The following RABGAP1L variants were observed in gnomAD, a reference collection of about 807,000 sequenced individuals.
RABGAP1L encodes RAB GTPase activating protein 1 like.
RABGAP1L carries 63 observed loss-of-function variants against 137.7 expected under a neutral mutation model. The observed-to-expected ratio is 0.46, with a 90% CI of 0.37 to 0.56. The LOEUF (loss-of-function observed/expected upper bound fraction) is 0.56. Ranked by LOEUF, RABGAP1L falls within the 20% of genes least tolerant of loss-of-function variation. RABGAP1L has a pLI of 0.00. For missense variants in RABGAP1L, 1,095 were observed against 1,244.0 expected (o/e 0.88, Z 1.80); for synonymous variants, 431 against 433.7 (o/e 0.99, Z 0.08).
At chr1:174,712,701 T>G (rs2148561405) in intron 17 of RABGAP1L, among the ~76,000 whole-genome samples, 1 of 152,360 alleles carries the variant, frequency 6.6e-6, no homozygotes, top group South Asian at 2.1e-4. Context: ...AAGTTTTCCC[T>G]GATCACCCGT....
intron 17 of RABGAP1L, among the ~76,000 whole-genome samples, chr1:174,729,798 A>T (rs1682308409): frequency 1.3e-5 from 2 of 152,228 alleles, no homozygotes; most frequent in Non-Finnish European, 2.9e-5. Context: ...CATGGCTATT[A>T]TTAAAAAGTA....
At chr1:174,612,445 G>T (rs1274586610) in intron 13 of RABGAP1L, among the ~76,000 whole-genome samples, 1 of 152,148 alleles carries the variant, frequency 6.6e-6, no homozygotes, top group African/African-American at 2.4e-5. Context: ...ATGTGCTGCT[G>T]GATTCGGTTT....
At position 174,181,420 on chromosome 1, in the gene RABGAP1L, C is replaced by G. The variant is rs1048446723; in HGVS notation, c.-34+21763C>G. Among the ~76,000 whole-genome samples the G allele has an allele frequency of 2.0e-5, 3 of 151,300 alleles. No individual in the cohort carries two copies. In the Admixed American group the frequency reaches 2.0e-4, roughly 10 times the overall value. On this transcript the variant is annotated intron_variant, in intron 1 of 25. Coordinates refer to ENST00000681986, the MANE Select transcript of RABGAP1L (RefSeq NM_001366446.1). ...TGGCGTGATCTCGGCCCACTGCAAGCTCCGCCTCCCAGGTTCACGCCATTC... is the reference window on the plus strand; with the variant it reads ...TGGCGTGATCTCGGCCCACTGCAAGGTCCGCCTCCCAGGTTCACGCCATTC...
chr1:174,564,542 T>C (rs192663394), intron 13 of RABGAP1L, among the ~76,000 whole-genome samples: 30 of 152,298 alleles, frequency 2.0e-4, no homozygotes, highest in Admixed American at 1.6e-3. Context: ...CAAAGTAGGC[T>C]GCCAGGGTTA....
intron 13 of RABGAP1L, among the ~76,000 whole-genome samples, chr1:174,550,572 A>C (rs923975826): frequency 1.3e-5 from 2 of 152,096 alleles, no homozygotes; most frequent in Non-Finnish European, 2.9e-5. Flanking sequence ...CAAAAGAACA[A>C]AGTATGTCTG....
chr1:174,729,855 T>C (rs1682312998), intron 17 of RABGAP1L, among the ~76,000 whole-genome samples: 1 of 152,122 alleles, frequency 6.6e-6, no homozygotes, highest in South Asian at 2.1e-4. Flanking sequence ...AAGGAAACAC[T>C]TATACACTGT....
At chr1:174,571,875 G>T (rs1668003854) in intron 13 of RABGAP1L, among the ~76,000 whole-genome samples, 3 of 152,134 alleles carry the variant, frequency 2.0e-5, no homozygotes, top group Admixed American at 6.5e-5. Flanking sequence ...CTCCATTTTA[G>T]CTGCAAACAG....
At chr1:174,326,999 G>C (rs1355301255) in intron 11 of RABGAP1L, among the ~76,000 whole-genome samples, 1 of 152,048 alleles carries the variant, frequency 6.6e-6, no homozygotes, top group Admixed American at 6.6e-5. Context: ...AAATCTGAAG[G>C]CATTCTCAAA....
intron 1 of RABGAP1L, among the ~76,000 whole-genome samples, chr1:174,166,237 T>G (rs961092393): frequency 2.6e-5 from 4 of 152,066 alleles, no homozygotes; most frequent in Admixed American, 6.6e-5. Context: ...AGTGTTTTTT[T>G]TTTGTTTGTT....
intron 13 of RABGAP1L, among the ~76,000 whole-genome samples, chr1:174,635,480 A>G (rs1397987579): frequency 6.6e-6 from 1 of 152,200 alleles, no homozygotes. Context: ...AAGATAAAAG[A>G]AATGTTTCAT....
rs182025880 is a variant in RABGAP1L, at chr1:174,394,025, G to T, written c.1590G>T (p.Gly530=). The T allele has an allele frequency of 6.2e-7, 1 of 1,613,586 alleles. No homozygotes were observed. Among genetic ancestry groups the T allele is most frequent in the South Asian group, 1.1e-5 (1 of 91,002 alleles). Residue 530 remains glycine (G), a synonymous_variant, in exon 13 of 26, where the codon GGG becomes GGT. Transcript: ENST00000681986. The part of the protein sequence containing the change: ...WHSNLGARPK[G]LSTLVKSGVP... ...GTAACCTTGGTGCACGACCGAAAGG[G>T]CTGTCTACTCTGGTGAAGAGTGGTG...
chr1:174,803,975 G>A (rs950966437), intron 18 of RABGAP1L, among the ~76,000 whole-genome samples: 4 of 152,100 alleles, frequency 2.6e-5, no homozygotes, highest in Non-Finnish European at 5.9e-5. Context: ...CTGGGAGGCT[G>A]AGGCAGGAGA....
At chr1:174,377,929 T>TC (rs1685709271) in intron 12 of RABGAP1L, among the ~76,000 whole-genome samples, 1 of 41,190 alleles carries the variant, frequency 2.4e-5, no homozygotes, top group Non-Finnish European at 3.7e-5. Flanking sequence ...ATGCTATCCC[T>TC]CCCCCCTCCC....
Position 174,448,188 on chromosome 1 carries a change from C to G in RABGAP1L, c.1710+54043C>G. The G allele has an allele frequency of 6.2e-7, 1 of 1,613,800 alleles. No homozygotes were observed. Among genetic ancestry groups the G allele is most frequent in the African/African-American group, 1.3e-5 (1 of 75,020 alleles). ...ATTGTGAATGTGTCCGAGCGTCACT[C>G]CTGCCCACTTGGATTTGGCCACTAC... On this transcript the variant is annotated intron_variant, in intron 13 of 25. Transcript: ENST00000681986. This position sits in a 1 kb window ranked among gnomAD's most constrained non-coding sequence, Gnocchi z 4.2.
chr1:174,510,180 C>G (rs570076305), intron 13 of RABGAP1L, among the ~76,000 whole-genome samples: 1 of 152,290 alleles, frequency 6.6e-6, no homozygotes, highest in Admixed American at 6.5e-5. Flanking sequence ...TCTTTAGCCT[C>G]CTTTTGCATA....
intron 13 of RABGAP1L, 73 bp downstream of exon 13, chr1:174,394,218 A>G: frequency 3.9e-6 from 6 of 1,530,002 alleles, no homozygotes; most frequent in Middle Eastern, 1.9e-4. Flanking sequence ...CATAGCTCCC[A>G]TAAGTCATAA....
chr1:174,994,073 CTCTT>C lies in RABGAP1L; in HGVS notation c.*4076_*4079del, dbSNP rs1672227535. ...CTGTTTCCTACAACCAGATATAAAA[CTCTT>C]TCTCGTCGCCATGCTGATAGTCACA... On this transcript the variant is annotated 3_prime_UTR_variant, in exon 26 of 26. Transcript: ENST00000681986. 1 of 152,230 alleles carries C rather than the reference CTCTT, an allele frequency of 6.6e-6. No homozygotes were observed. The highest frequency in any genetic ancestry group is 2.1e-4 in the South Asian group (1 of 4,836). The allele number at this position is 152,230 out of a possible 1,614,324, so 9.4% of individuals were successfully genotyped here. A position where few individuals can be genotyped will look rare whatever the true frequency, so the allele number is the denominator to read the frequency against.
Position 174,282,604 on chromosome 1 carries a change from G to C in RABGAP1L, c.1323+3825G>C, listed in dbSNP as rs140641754. Among the ~76,000 whole-genome samples the C allele has an allele frequency of 6.7e-4, 102 of 152,220 alleles. 1 individual carries two copies. The highest frequency in any genetic ancestry group is 3.4e-3 in the Middle Eastern group (1 of 294). On this transcript the variant is annotated intron_variant, in intron 10 of 25. Coordinates refer to ENST00000681986, the MANE Select transcript of RABGAP1L (RefSeq NM_001366446.1). ...TTTTCATAATGTCTCTTGAAGAACTGAAGTTTTACATTTCGATGAAGTCAT... is the reference window on the plus strand; with the variant it reads ...TTTTCATAATGTCTCTTGAAGAACTCAAGTTTTACATTTCGATGAAGTCAT...
chr1:174,825,958 G>A (rs1007378301), intron 19 of RABGAP1L, among the ~76,000 whole-genome samples: 1 of 152,142 alleles, frequency 6.6e-6, no homozygotes, highest in Non-Finnish European at 1.5e-5. Context: ...AATATATTGC[G>A]AGATGCTGAG....
Sources: allele counts gnomAD v4.1 joint callset (sites outside exome capture counted in the v4.1 genomes callset), GRCh38; gene constraint gnomAD v4.1.1; non-coding constraint Gnocchi (gnomAD v3.1); transcripts MANE v1.5; gene names NCBI Gene and HGNC (gene_info 2026-07-23, HGNC 2026-07-21).